Variants in NTN1 observed in about 807,000 individuals in gnomAD.
NTN1 encodes the protein netrin 1.
A neutral mutation model predicts 54.2 loss-of-function variants in NTN1; 11 were observed. The ratio of observed to expected loss-of-function variants is 0.20; its 90% CI spans 0.13 to 0.34. The LOEUF (loss-of-function observed/expected upper bound fraction) is 0.34. Ranked by LOEUF, NTN1 falls within the 10% of genes least tolerant of loss-of-function variation. NTN1 has a pLI of 1.00. For synonymous variants in NTN1, 371 were observed against 382.0 expected, an observed-to-expected ratio of 0.97 and a Z score of 0.33; for missense variants, 740 against 893.1, an observed-to-expected ratio of 0.83 and a Z score of 2.18.
upstream of NTN1, among the ~76,000 whole-genome samples, chr17:9,019,755 C>T (rs1357421880): frequency 1.3e-5 from 2 of 152,220 alleles, no homozygotes; most frequent in Non-Finnish European, 2.9e-5. Context: ...GCTATGCTGC[C>T]TTTCAGTATA....
chr17:9,236,545 G>A (rs531327279), intron 6 of NTN1, among the ~76,000 whole-genome samples: 11 of 152,306 alleles, frequency 7.2e-5, no homozygotes, highest in Admixed American at 3.9e-4. Flanking sequence ...CAAGGGCAGC[G>A]GAAATGTGGC....
chr17:9,223,680 C>T (rs1444296409), intron 6 of NTN1, among the ~76,000 whole-genome samples: 1 of 152,224 alleles, frequency 6.6e-6, no homozygotes, highest in East Asian at 1.9e-4. Context: ...TCTCTCCACT[C>T]CCCTAGGCAG....
At chr17:9,079,219 C>T (rs890929574) in intron 2 of NTN1, among the ~76,000 whole-genome samples, 3 of 152,336 alleles carry the variant, frequency 2.0e-5, no homozygotes, top group Admixed American at 2.0e-4. Flanking sequence ...GGGAGTAGAA[C>T]CCTGCTCCAG....
chr17:9,163,484 A>G (rs1420979211), intron 3 of NTN1, among the ~76,000 whole-genome samples: 2 of 12,546 alleles, frequency 1.6e-4, no homozygotes, highest in Non-Finnish European at 3.5e-4. Context: ...CGAAACACAC[A>G]CACACACACA....
chr17:9,029,186 G>A (rs2091881249), intron 2 of NTN1, among the ~76,000 whole-genome samples: 2 of 152,104 alleles, frequency 1.3e-5, no homozygotes, highest in African/African-American at 4.8e-5. Context: ...CATGGTGGTT[G>A]GGGGGTTGCG....
At chr17:9,173,945 T>G (rs866455833) in intron 3 of NTN1, 2 of 152,400 alleles carry the variant, frequency 1.3e-5, no homozygotes, top group Non-Finnish European at 1.5e-5. Context: ...CCCTTTCTTC[T>G]TCTGGACTGG....
chr17:9,012,145 T>C, the NTN1 span, among the ~76,000 whole-genome samples: 1 of 152,140 alleles, frequency 6.6e-6, no homozygotes, highest in East Asian at 1.9e-4. Context: ...CATCAAAGTC[T>C]GCAAGGCCCT....
chr17:9,088,042 G>A lies in NTN1; in HGVS notation c.1018+64651G>A, dbSNP rs116942982. Among the ~76,000 whole-genome samples the A allele has an allele frequency of 4.0e-3, 603 of 152,286 alleles. 9 individuals carry two copies. The highest frequency in any genetic ancestry group is 5.2e-3 in the Admixed American group (80 of 15,294). On this transcript the variant is annotated intron_variant, in intron 2 of 6. Transcript: ENST00000173229. The stretch of plus-strand genomic sequence containing the variant: ...GTCCTTCCTCCCCAGAGGCAGGAAC[G>A]AGGCTGCCTCATCCAGAGCTGAGAC...
intron 2 of NTN1, among the ~76,000 whole-genome samples, chr17:9,079,810 C>T (rs1267285095): frequency 1.3e-5 from 2 of 151,184 alleles, no homozygotes; most frequent in African/African-American, 4.9e-5. Flanking sequence ...TGTTTCCTGG[C>T]CCTGGAGGAA....
chr17:9,205,307 G>A (rs1368414923), intron 5 of NTN1, among the ~76,000 whole-genome samples: 1 of 152,182 alleles, frequency 6.6e-6, no homozygotes, highest in Admixed American at 6.5e-5. Flanking sequence ...TTCTGCCTGA[G>A]GGCTGGGAAG....
intron 2 of NTN1, among the ~76,000 whole-genome samples, chr17:9,119,652 C>T (rs1204657130): frequency 3.9e-5 from 6 of 152,062 alleles, no homozygotes; most frequent in African/African-American, 7.2e-5. Context: ...GCATGCTACA[C>T]CACACCTGGC....
chr17:9,228,863 AGAGTGTGTCTGT>A lies in NTN1; in HGVS notation c.1486+7623_1486+7634del, dbSNP rs1447349401. Among the ~76,000 whole-genome samples, 8 of 52,730 alleles carry A rather than the reference AGAGTGTGTCTGT, an allele frequency of 1.5e-4. No individual in the cohort carries two copies. In the South Asian group the frequency reaches 3.1e-3, roughly 20 times the overall value. The allele number at this position is 52,730 out of a possible 152,430, so 34.6% of individuals were successfully genotyped here. ...GTGTGTGTGTGTGTGACTGTGTATG[AGAGTGTGTCTGT>A]GTGTGACTACGCATGTGTGATTGTG... On this transcript the variant is annotated intron_variant, in intron 6 of 6. Coordinates refer to ENST00000173229, the MANE Select transcript of NTN1 (RefSeq NM_004822.3).
In NTN1 at chr17:9,161,446, C is replaced by T. The variant is rs58416880; in HGVS notation, c.1019-1367C>T. On this transcript the variant is annotated intron_variant, in intron 2 of 6. Coordinates refer to ENST00000173229, the MANE Select transcript of NTN1 (RefSeq NM_004822.3). ...CCCTGAAGGCCATGCTGAGTGCTTT[C>T]GACTTGATCCTGATGGGCGCCCTCA... 6.0e-3 allele frequency among the ~76,000 whole-genome samples: 920 copies of T among 152,228 alleles called. 10 individuals are homozygous for T. Among genetic ancestry groups the T allele is most frequent in the African/African-American group, 0.021 (857 of 41,538 alleles).
intron 2 of NTN1, among the ~76,000 whole-genome samples, chr17:9,095,848 G>A (rs1359303536): frequency 1.3e-5 from 2 of 151,772 alleles, no homozygotes; most frequent in Non-Finnish European, 2.9e-5. Flanking sequence ...CACCCAGGCT[G>A]GAGTGCAATG....
At chr17:9,157,646 G>A (rs2092346724) in intron 2 of NTN1, among the ~76,000 whole-genome samples, 1 of 152,206 alleles carries the variant, frequency 6.6e-6, no homozygotes. Context: ...TGCATCCTTG[G>A]TGATCCTCAC....
intron 5 of NTN1, among the ~76,000 whole-genome samples, chr17:9,206,525 GC>G (rs1216174449): frequency 2.6e-5 from 4 of 152,072 alleles, no homozygotes; most frequent in Non-Finnish European, 5.9e-5. Flanking sequence ...TGGCAGGCTT[GC>G]CCCCTCCCAG....
intron 2 of NTN1, among the ~76,000 whole-genome samples, chr17:9,052,893 C>T (rs192629326): frequency 7.1e-4 from 108 of 152,334 alleles, no homozygotes; most frequent in African/African-American, 2.5e-3. Flanking sequence ...ATATCCTTAC[C>T]ACCTCTCTGT....
At position 9,243,129 on chromosome 17, in the gene NTN1, C is replaced by CGG. The variant is rs1290367153; in HGVS notation, c.*3165_*3166dup. 1 of 152,178 alleles carries CGG rather than the reference C, an allele frequency of 6.6e-6. No individual in the cohort carries two copies. The highest frequency in any genetic ancestry group is 1.5e-5 in the Non-Finnish European group (1 of 68,042). The allele number at this position is 152,178 out of a possible 1,614,324, so 9.4% of individuals were successfully genotyped here. On this transcript the variant is annotated 3_prime_UTR_variant, in exon 7 of 7. Transcript: ENST00000173229. Reference sequence around the variant, plus strand: ...GACACGCAGTAATGCCGAAGATTTGCGGGGGAGGACATAGGGCTGTCCCCG... The same window carrying CGG: ...GACACGCAGTAATGCCGAAGATTTGCGGGGGGGAGGACATAGGGCTGTCCCCG...
In NTN1 at chr17:9,162,803, C is replaced by T. The variant is rs1405420086; in HGVS notation, c.1019-10C>T. Reference sequence around the variant, plus strand: ...CTGCGGCTGACACCTCTCTCTGTCTCCCCCTGCAGCCTGTAACTGCAACCT... The same window carrying T: ...CTGCGGCTGACACCTCTCTCTGTCTTCCCCTGCAGCCTGTAACTGCAACCT... On this transcript the variant is annotated splice_polypyrimidine_tract_variant and intron_variant, in intron 2 of 6. Transcript: ENST00000173229. The T allele has an allele frequency of 3.7e-6, 6 of 1,604,266 alleles. No homozygotes were observed. The highest frequency in any genetic ancestry group is 1.3e-5 in the African/African-American group (1 of 74,802).
Sources: gnomAD v4.1 joint callset for allele counts (sites outside exome capture counted in the v4.1 genomes callset) on GRCh38, gnomAD v4.1.1 for gene constraint, MANE v1.5 for transcripts, NCBI Gene and HGNC (gene_info 2026-07-23, HGNC 2026-07-21) for gene names.